The following CDH13 variants were observed in gnomAD, a reference collection of about 807,000 sequenced individuals.
The protein encoded by CDH13 is cadherin-13.
In CDH13, 24 loss-of-function variants were observed where a neutral mutation model predicts 63.8. The ratio of observed to expected loss-of-function variants is 0.38; its 90% confidence interval spans 0.27 to 0.53. CDH13 has a LOEUF of 0.53. CDH13 is among the 20% of genes least tolerant of loss of function. The pLI, the probability that CDH13 is intolerant of heterozygous loss-of-function variation, is 0.85. For missense variants in CDH13, 1,049 were observed against 903.1 expected, an observed-to-expected ratio of 1.16 and a Z score of -2.07; for synonymous variants, 503 against 355.3, an observed-to-expected ratio of 1.42 and a Z score of -4.67.
intron 2 of CDH13, among the ~76,000 whole-genome samples, chr16:83,022,471 A>G (rs146173208): frequency 0.012 from 1,861 of 152,350 alleles, 19 homozygotes; most frequent in Non-Finnish European, 0.02. Context: ...AAGCCAACTG[A>G]AGGCACATTG....
intron 1 of CDH13, among the ~76,000 whole-genome samples, chr16:82,686,759 A>C (rs572836382): frequency 1.1e-3 from 170 of 152,314 alleles, no homozygotes; most frequent in African/African-American, 3.8e-3. Context: ...AGTGATCAAG[A>C]AGAGCCTTTA....
chr16:83,442,553 GTT>G (rs11320184), intron 6 of CDH13, among the ~76,000 whole-genome samples: 49 of 151,858 alleles, frequency 3.2e-4, no homozygotes, highest in African/African-American at 6.0e-4. Flanking sequence ...CACATTGCAA[GTT>G]TTTTTTTTCT....
intron 3 of CDH13, among the ~76,000 whole-genome samples, chr16:83,052,444 C>G (rs2030442914): frequency 6.6e-6 from 1 of 152,102 alleles, no homozygotes; most frequent in African/African-American, 2.4e-5. Context: ...ACAAACTATA[C>G]AACATTTAAG....
At chr16:83,153,952 A>C (rs1252361887) in intron 4 of CDH13, among the ~76,000 whole-genome samples, 1 of 152,188 alleles carries the variant, frequency 6.6e-6, no homozygotes, top group Admixed American at 6.5e-5. Flanking sequence ...GCAACAAAAG[A>C]AGCTTGTTCA....
chr16:83,333,932 A>G (rs1597773838), intron 5 of CDH13, among the ~76,000 whole-genome samples: 3 of 152,320 alleles, frequency 2.0e-5, no homozygotes, highest in South Asian at 2.1e-4. Context: ...ACTCAAAACA[A>G]CACAAATCTT....
chr16:82,712,188 A>C (rs1047720612), intron 1 of CDH13, among the ~76,000 whole-genome samples: 3 of 152,178 alleles, frequency 2.0e-5, no homozygotes, highest in African/African-American at 7.2e-5. Context: ...ATCTCGCATG[A>C]CCTTGATGAA....
intron 7 of CDH13, among the ~76,000 whole-genome samples, chr16:83,549,642 CAA>C (rs11302201): frequency 6.1e-4 from 77 of 125,636 alleles, no homozygotes; most frequent in Non-Finnish European, 7.3e-4. Context: ...TCTCTACGCT[CAA>C]AAAAAAAAAA....
chr16:83,081,304 G>A (rs2033235451), intron 3 of CDH13, among the ~76,000 whole-genome samples: 1 of 152,264 alleles, frequency 6.6e-6, no homozygotes, highest in East Asian at 1.9e-4. Context: ...TGGTGAATGG[G>A]ATAGACATGG....
chr16:82,707,633 C>T lies in CDH13; in HGVS notation c.45+80496C>T, dbSNP rs141648803. 6.4e-4 allele frequency among the ~76,000 whole-genome samples: 97 copies of T among 152,294 alleles called. 1 individual carries two copies. The highest frequency in any genetic ancestry group is 9.7e-4 in the Non-Finnish European group (66 of 68,018). On this transcript the variant is annotated intron_variant, in intron 1 of 13. Transcript: ENST00000567109. The stretch of plus-strand genomic sequence containing the variant: ...TGTGTGGATTCTGATGACAGATTGC[C>T]TGTCTGATTTTGCAGAATTAGCTCC...
intron 1 of CDH13, among the ~76,000 whole-genome samples, chr16:82,780,213 C>A (rs2035688108): frequency 6.6e-6 from 1 of 152,010 alleles, no homozygotes; most frequent in Admixed American, 6.6e-5. Context: ...ATATGTCGAC[C>A]CACAAGTGGT....
intron 2 of CDH13, among the ~76,000 whole-genome samples, chr16:83,017,096 A>G (rs918447380): frequency 6.6e-6 from 1 of 152,238 alleles, no homozygotes; most frequent in Non-Finnish European, 1.5e-5. Context: ...CAGTCATTGA[A>G]GAAAGAACAC....
At chr16:82,841,482 C>T (rs893404118) in intron 1 of CDH13, among the ~76,000 whole-genome samples, 3 of 152,154 alleles carry the variant, frequency 2.0e-5, no homozygotes, top group Admixed American at 6.5e-5. Context: ...TGTCAGGAGG[C>T]AGGATTATCT....
At chr16:83,426,143 C>T (rs879674050) in intron 6 of CDH13, among the ~76,000 whole-genome samples, 13 of 152,050 alleles carry the variant, frequency 8.5e-5, no homozygotes, top group Admixed American at 7.9e-4. Context: ...CTCTTTCATC[C>T]ATTCCTTCTC....
At chr16:83,261,728 A>G (rs1313659357) in intron 5 of CDH13, among the ~76,000 whole-genome samples, 3 of 150,484 alleles carry the variant, frequency 2.0e-5, no homozygotes, top group Non-Finnish European at 4.4e-5. Context: ...TTGATGACAG[A>G]AAGTTAGATA....
chr16:82,743,648 C>T (rs943863857), intron 1 of CDH13, among the ~76,000 whole-genome samples: 1 of 152,110 alleles, frequency 6.6e-6, no homozygotes, highest in Admixed American at 6.5e-5. Flanking sequence ...AAAATACAGA[C>T]CCAACACTCA....
intron 2 of CDH13, among the ~76,000 whole-genome samples, chr16:83,017,171 C>A (rs909765184): frequency 6.6e-6 from 1 of 152,142 alleles, no homozygotes; most frequent in Non-Finnish European, 1.5e-5. Context: ...TAAGGATTTG[C>A]CTGGGCCCCA....
intron 1 of CDH13, among the ~76,000 whole-genome samples, chr16:82,700,044 T>A: frequency 6.6e-6 from 1 of 151,594 alleles, no homozygotes; most frequent in East Asian, 1.9e-4. Context: ...TACAGAAGTT[T>A]GGTCTTTACT....
At chr16:83,550,024 C>T (rs1210167950) in intron 7 of CDH13, among the ~76,000 whole-genome samples, 1 of 152,214 alleles carries the variant, frequency 6.6e-6, no homozygotes. Context: ...GCCAAAAACA[C>T]TAATTAGCAG....
chr16:83,395,354 C>G (rs773073114), intron 6 of CDH13, among the ~76,000 whole-genome samples: 16 of 151,798 alleles, frequency 1.1e-4, no homozygotes, highest in Non-Finnish European at 1.9e-4. Flanking sequence ...ACTCAAGGCT[C>G]CTAGTGATCA....
Sources: gnomAD v4.1 joint callset for allele counts (sites outside exome capture counted in the v4.1 genomes callset) on GRCh38, gnomAD v4.1.1 for gene constraint, MANE v1.5 for transcripts, NCBI Gene and HGNC (gene_info 2026-07-23, HGNC 2026-07-21) for gene names.